KIF26B: variants seen among roughly 807,000 people sequenced by gnomAD.
KIF26B encodes the protein kinesin-like protein KIF26B.
In KIF26B, 63 loss-of-function variants were observed where a neutral mutation model predicts 151.2. The observed-to-expected ratio is 0.42, with a 90% CI of 0.34 to 0.51. KIF26B has a LOEUF of 0.51. Ranked by LOEUF, KIF26B falls within the 20% of genes least tolerant of loss-of-function variation. The pLI is 0.07. For synonymous variants in KIF26B, 1,357 were observed against 1,262.1 expected, an observed-to-expected ratio of 1.08 and a Z score of -1.59; for missense variants, 2,813 against 2,913.6, an observed-to-expected ratio of 0.97 and a Z score of 0.79.
chr1:245,524,964 G>C (rs1349053558), intron 4 of KIF26B, among the ~76,000 whole-genome samples: 2 of 152,036 alleles, frequency 1.3e-5, no homozygotes, highest in African/African-American at 4.8e-5. Context: ...AACATTCTTA[G>C]CCACTTGTTC....
chr1:245,292,560 T>C (rs1411012545), intron 2 of KIF26B, among the ~76,000 whole-genome samples: 1 of 152,174 alleles, frequency 6.6e-6, no homozygotes, highest in Non-Finnish European at 1.5e-5. Context: ...CATTGGGTAC[T>C]ATTTTACCTT....
At chr1:245,370,037 A>G (rs1673074543) in intron 3 of KIF26B, among the ~76,000 whole-genome samples, 1 of 152,192 alleles carries the variant, frequency 6.6e-6, no homozygotes, top group Admixed American at 6.5e-5. Context: ...GAAAATTATC[A>G]AAAGTAACAT....
chr1:245,492,741 C>G (rs992745158), intron 4 of KIF26B, among the ~76,000 whole-genome samples: 1 of 152,166 alleles, frequency 6.6e-6, no homozygotes, highest in Non-Finnish European at 1.5e-5. Flanking sequence ...CCTACAAAAC[C>G]TTGTTTCCAG....
At chr1:245,214,589 C>T (rs1032549730) in intron 2 of KIF26B, among the ~76,000 whole-genome samples, 2 of 152,004 alleles carry the variant, frequency 1.3e-5, no homozygotes, top group Non-Finnish European at 2.9e-5. Context: ...TGGGATAGTA[C>T]AGGACATGAA....
chr1:245,344,421 GA>G lies in KIF26B; in HGVS notation c.466-22412del, dbSNP rs57901734. ...GAGGCAGGAGAGTGGCGTGAACCCG[GA>G]GGGCGGAGCCTGCAGTGAGCCGAGA... On this transcript the variant is annotated intron_variant, in intron 2 of 14. Coordinates refer to ENST00000407071, the MANE Select transcript of KIF26B (RefSeq NM_018012.4). Among the ~76,000 whole-genome samples the G allele has an allele frequency of 5.0e-3, 748 of 150,416 alleles. 8 individuals are homozygous for G. Among genetic ancestry groups the G allele is most frequent in the African/African-American group, 0.018 (726 of 40,928 alleles).
intron 2 of KIF26B, among the ~76,000 whole-genome samples, chr1:245,325,997 A>G (rs1001921006): frequency 9.9e-5 from 15 of 152,168 alleles, no homozygotes; most frequent in Admixed American, 9.8e-4. Context: ...TGAAAGCAAC[A>G]ACATTGTCAA....
intron 9 of KIF26B, among the ~76,000 whole-genome samples, chr1:245,638,780 T>C (rs941273464): frequency 1.3e-5 from 2 of 151,838 alleles, no homozygotes; most frequent in African/African-American, 4.8e-5. Context: ...GTGTGATGTA[T>C]TAAACTTATT....
At chr1:245,619,440 T>C (rs1572162359) in intron 9 of KIF26B, among the ~76,000 whole-genome samples, 1 of 152,104 alleles carries the variant, frequency 6.6e-6, no homozygotes, top group African/African-American at 2.4e-5. Flanking sequence ...TTTACTAAAA[T>C]TACAAAAATT....
At chr1:245,502,839 T>C (rs958992752) in intron 4 of KIF26B, among the ~76,000 whole-genome samples, 2 of 151,336 alleles carry the variant, frequency 1.3e-5, no homozygotes, top group Non-Finnish European at 2.9e-5. Context: ...CTGTATTAAT[T>C]GGAAAAGAAG....
chr1:245,426,338 T>C (rs185809367), intron 4 of KIF26B, among the ~76,000 whole-genome samples: 30 of 152,270 alleles, frequency 2.0e-4, no homozygotes, highest in Non-Finnish European at 3.8e-4. Context: ...AATGTTGGTG[T>C]TCATCTCCAT....
intron 5 of KIF26B, among the ~76,000 whole-genome samples, chr1:245,559,038 G>A (rs12036454): frequency 1.9e-4 from 29 of 152,256 alleles, no homozygotes; most frequent in East Asian, 5.8e-4. Context: ...TTGTGTGTGC[G>A]GACACGTGGC....
At chr1:245,614,324 A>G (rs1393459309) in intron 9 of KIF26B, among the ~76,000 whole-genome samples, 2 of 152,110 alleles carry the variant, frequency 1.3e-5, no homozygotes, top group Admixed American at 6.5e-5. Context: ...ACAGGTGCCC[A>G]CCACCATGTC....
intron 5 of KIF26B, among the ~76,000 whole-genome samples, chr1:245,556,364 T>TCTTCTTCTTCCTC (rs1460442387): frequency 2.5e-5 from 3 of 120,712 alleles, no homozygotes; most frequent in Non-Finnish European, 3.3e-5. Flanking sequence ...TCCTCCTCCT[T>TCTTCTTCTTCCTC]CTTCTTCTTC....
intron 2 of KIF26B, among the ~76,000 whole-genome samples, chr1:245,246,866 AACACACAC>A (rs10623091): frequency 4.2e-5 from 6 of 143,856 alleles, no homozygotes; most frequent in South Asian, 2.3e-4. Context: ...GTAAGGGCAG[AACACACAC>A]ACACACACAC....
chr1:245,355,020 A>G (rs1672658359), intron 2 of KIF26B, among the ~76,000 whole-genome samples: 1 of 152,156 alleles, frequency 6.6e-6, no homozygotes, highest in South Asian at 2.1e-4. Flanking sequence ...TTTCAGGTTC[A>G]AGCGATCCTC....
At chr1:245,467,199 T>G (rs937506616) in intron 4 of KIF26B, among the ~76,000 whole-genome samples, 4 of 152,144 alleles carry the variant, frequency 2.6e-5, no homozygotes, top group African/African-American at 9.7e-5. Flanking sequence ...CATAATAAAA[T>G]AAATCCTGTT....
At chr1:245,552,931 AGGCAGTGG>A (rs765953168) in intron 5 of KIF26B, among the ~76,000 whole-genome samples, 1 of 152,116 alleles carries the variant, frequency 6.6e-6, no homozygotes, top group Non-Finnish European at 1.5e-5. Context: ...CCTGAGAGGT[AGGCAGTGG>A]GGCAGTGCGG....
chr1:245,346,144 C>T (rs1428178106), intron 2 of KIF26B, among the ~76,000 whole-genome samples: 2 of 152,044 alleles, frequency 1.3e-5, no homozygotes, highest in East Asian at 3.9e-4. Context: ...AGGGTTTCAC[C>T]ATCTTGGCCA....
intron 10 of KIF26B, among the ~76,000 whole-genome samples, chr1:245,679,473 T>G (rs1479941657): frequency 2.5e-4 from 34 of 136,678 alleles, no homozygotes; most frequent in Middle Eastern, 3.6e-3. Flanking sequence ...TTTTTTTTTT[T>G]TTTTTTTTTT....
Sources: allele counts gnomAD v4.1 joint callset (sites outside exome capture counted in the v4.1 genomes callset), GRCh38; gene constraint gnomAD v4.1.1; transcripts MANE v1.5; gene names NCBI Gene and HGNC (gene_info 2026-07-23, HGNC 2026-07-21).